SGMS2: variants seen among roughly 807,000 people sequenced by gnomAD.
SGMS2 encodes phosphatidylcholine:ceramide cholinephosphotransferase 2.
In SGMS2, 21 loss-of-function variants were observed where a neutral mutation model predicts 43.8. The observed-to-expected ratio is 0.48, with a 90% CI of 0.34 to 0.69. SGMS2 has a LOEUF of 0.69. Ranked by LOEUF, SGMS2 falls within the 30% of genes least tolerant of loss-of-function variation. The pLI is 0.01. For missense variants in SGMS2, 384 were observed against 443.2 expected (o/e 0.87, Z 1.20); for synonymous variants, 167 against 160.6 (o/e 1.04, Z -0.30).
intron 5 of SGMS2, among the ~76,000 whole-genome samples, chr4:107,905,825 C>T (rs1731510550): frequency 6.6e-6 from 1 of 152,174 alleles, no homozygotes; most frequent in African/African-American, 2.4e-5. Flanking sequence ...AGCAAGGCAA[C>T]TTGTGATTGA....
intron 2 of SGMS2, among the ~76,000 whole-genome samples, chr4:107,892,065 A>C (rs1479715588): frequency 6.7e-6 from 1 of 149,932 alleles, no homozygotes. Context: ...TCTTACCCTC[A>C]CTATCTGCCT....
intron 6 of SGMS2, among the ~76,000 whole-genome samples, chr4:107,909,263 G>A (rs1402511119): frequency 2.6e-5 from 4 of 151,820 alleles, no homozygotes; most frequent in African/African-American, 9.7e-5. Context: ...ACGACACCAC[G>A]CCTGGCTAAT....
At chr4:107,891,531 C>T (rs1223461316) in intron 2 of SGMS2, among the ~76,000 whole-genome samples, 3 of 152,058 alleles carry the variant, frequency 2.0e-5, no homozygotes, top group African/African-American at 7.2e-5. Context: ...TTCATTGTCT[C>T]ATGCAGAGGA....
rs1243826191 is a variant in SGMS2 at position 107,910,855 on chromosome 4, C to T, written c.*302C>T. The T allele has an allele frequency of 6.8e-5, 17 of 249,132 alleles. No homozygotes were observed. The highest frequency in any genetic ancestry group is 2.3e-5 in the Non-Finnish European group (3 of 129,828). The allele number at this position is 249,132 out of a possible 1,614,324, so 15.4% of individuals were successfully genotyped here. A position where few individuals can be genotyped will look rare whatever the true frequency, so the allele number is the denominator to read the frequency against. On this transcript the variant is annotated 3_prime_UTR_variant, in exon 7 of 7. Coordinates refer to ENST00000690982, the MANE Select transcript of SGMS2 (RefSeq NM_001375905.1). ...TATTCCTCCTTTCTTTATTCTTTCT[C>T]CACCAAAACCCTCTACTTCAGAATT...
intron 2 of SGMS2, among the ~76,000 whole-genome samples, chr4:107,868,758 C>G (rs909712565): frequency 2.0e-5 from 3 of 152,000 alleles, no homozygotes; most frequent in African/African-American, 7.2e-5. Flanking sequence ...TAAAATGAAG[C>G]CTTTTTCTGC....
rs1257060388 is a variant in SGMS2, at chr4:107,912,478, A to G, written c.*1925A>G. ...AGCAACACTTGTGCAAGAACAAGGT[A>G]TTCTGCTTGAAAACACTGATTTTTA... On this transcript the variant is annotated 3_prime_UTR_variant, in exon 7 of 7. Coordinates refer to ENST00000690982, the MANE Select transcript of SGMS2 (RefSeq NM_001375905.1). 1 of 152,184 alleles carries G rather than the reference A, an allele frequency of 6.6e-6. No homozygotes were observed. The highest frequency in any genetic ancestry group is 2.4e-5 in the African/African-American group (1 of 41,446). 9.4% of individuals were successfully genotyped at this position (152,184 alleles called of 1,614,324 possible). A position where few individuals can be genotyped will look rare whatever the true frequency, so the allele number is the denominator to read the frequency against.
chr4:107,835,317 A>T (rs1560628655), intron 1 of SGMS2, among the ~76,000 whole-genome samples: 1 of 152,200 alleles, frequency 6.6e-6, no homozygotes, highest in African/African-American at 2.4e-5. Context: ...AACTCAAACC[A>T]TAGAGACAGA....
Position 107,913,299 on chromosome 4 carries a change from C to T in SGMS2, c.*2746C>T, listed in dbSNP as rs1213083895. ...TCAGATTCTAGTTTTTGAGCTTGTC[C>T]ACTAGATCTGAAAATAAAGCATCCT... is the stretch of plus-strand genomic sequence containing the variant. On this transcript the variant is annotated 3_prime_UTR_variant, in exon 7 of 7. Transcript: ENST00000690982. 1 of 151,758 alleles carries T rather than the reference C, an allele frequency of 6.6e-6. No homozygotes were observed. Among genetic ancestry groups the T allele is most frequent in the Non-Finnish European group, 1.5e-5 (1 of 67,974 alleles). The allele number at this position is 151,758 out of a possible 1,614,324, so 9.4% of individuals were successfully genotyped here. A position where few individuals can be genotyped will look rare whatever the true frequency, so the allele number is the denominator to read the frequency against.
chr4:107,895,570 C>G lies in SGMS2; in HGVS notation c.17C>G (p.Thr6Arg). MDIIE[T>R]AKLEEHLENQ... ...TAGGGGACAATGGATATCATAGAGA[C>G]AGCAAAACTTGAAGAACATTTGGAA... The change falls in exon 3 of 7, where the codon ACA becomes AGA. Residue 6 changes from threonine to arginine, a missense_variant. Thr to Arg is a moderately conservative substitution (Grantham distance 71). Transcript: ENST00000690982. 6.2e-7 allele frequency: 1 copy of G among 1,613,482 alleles called. No homozygotes were observed. Among genetic ancestry groups the G allele is most frequent in the Non-Finnish European group, 8.5e-7 (1 of 1,179,680 alleles).
Position 107,895,431 on chromosome 4 carries a change from A to G in SGMS2, c.-123A>G. The stretch of plus-strand genomic sequence containing the variant: ...ATGGCTACCTTCTACATTTTGTATT[A>G]GGAAACAAAGTCCATTGTAAGAGTC... On this transcript the variant is annotated 5_prime_UTR_variant, in exon 3 of 7. It removes the in-frame stop codon of an upstream open reading frame in the 5' UTR. Transcript: ENST00000690982. 1 of 1,002,518 alleles carries G rather than the reference A, an allele frequency of 1.0e-6. No homozygotes were observed. Among genetic ancestry groups the G allele is most frequent in the Non-Finnish European group, 1.5e-6 (1 of 673,690 alleles). The allele number at this position is 1,002,518 out of a possible 1,614,324, so 62.1% of individuals were successfully genotyped here. A position where few individuals can be genotyped will look rare whatever the true frequency, so the allele number is the denominator to read the frequency against.
At position 107,913,040 on chromosome 4, in the gene SGMS2, A is replaced by C. The variant is rs1460924755; in HGVS notation, c.*2487A>C. ...CTTTGATATAAAACAAGTATGATAT[A>C]TATATAAACTGAAGATATAAAACAA... is the stretch of plus-strand genomic sequence containing the variant. On this transcript the variant is annotated 3_prime_UTR_variant, in exon 7 of 7. Transcript: ENST00000690982. The C allele has an allele frequency of 6.6e-6, 1 of 152,194 alleles. No individual in the cohort carries two copies. Among genetic ancestry groups the C allele is most frequent in the Non-Finnish European group, 1.5e-5 (1 of 68,034 alleles). 9.4% of individuals were successfully genotyped at this position (152,194 alleles called of 1,614,324 possible).
chr4:107,897,949 G>A (rs988955119), intron 3 of SGMS2, among the ~76,000 whole-genome samples: 2 of 152,142 alleles, frequency 1.3e-5, no homozygotes, highest in African/African-American at 4.8e-5. Flanking sequence ...CACCTTCTAA[G>A]TTGGTTTTCT....
At chr4:107,908,263 TA>T (rs1731778110) in intron 5 of SGMS2, 1 of 239,866 alleles carries the variant, frequency 4.2e-6, no homozygotes, top group African/African-American at 2.2e-5. Context: ...GCAAACCTAA[TA>T]AGAAACAATT....
intron 2 of SGMS2, among the ~76,000 whole-genome samples, chr4:107,883,781 A>G (rs1729541464): frequency 6.6e-6 from 1 of 152,160 alleles, no homozygotes; most frequent in Non-Finnish European, 1.5e-5. Flanking sequence ...CCTTAAGATA[A>G]AGTCATAAAA....
At chr4:107,874,835 G>A (rs187348151) in intron 2 of SGMS2, among the ~76,000 whole-genome samples, 9 of 151,940 alleles carry the variant, frequency 5.9e-5, no homozygotes, top group East Asian at 3.9e-4. Flanking sequence ...TATTCTCTTC[G>A]TGTCTCTACC....
intron 2 of SGMS2, chr4:107,886,897 A>G (rs144534185): frequency 1.9e-3 from 291 of 152,314 alleles, no homozygotes; most frequent in African/African-American, 6.7e-3. Context: ...TAAGAATACA[A>G]ATAGTTGCCA....
intron 2 of SGMS2, among the ~76,000 whole-genome samples, chr4:107,868,288 ACT>A (rs1728280066): frequency 6.6e-6 from 1 of 151,936 alleles, no homozygotes; most frequent in Non-Finnish European, 1.5e-5. Flanking sequence ...TTCCCAGAAA[ACT>A]CTTTTTGACA....
At chr4:107,872,879 T>C (rs1728649744) in intron 2 of SGMS2, among the ~76,000 whole-genome samples, 1 of 152,214 alleles carries the variant, frequency 6.6e-6, no homozygotes, top group Non-Finnish European at 1.5e-5. Context: ...CCCATTTTGA[T>C]GGACAGTGTG....
chr4:107,825,561 A>G (rs1429477627), intron 1 of SGMS2, among the ~76,000 whole-genome samples: 1 of 150,626 alleles, frequency 6.6e-6, no homozygotes, highest in Non-Finnish European at 1.5e-5. Context: ...GCTGAAGTTC[A>G]GTTGGTGGAG....
Sources: allele counts gnomAD v4.1 joint callset (sites outside exome capture counted in the v4.1 genomes callset), GRCh38; gene constraint gnomAD v4.1.1; transcripts MANE v1.5; gene names NCBI Gene and HGNC (gene_info 2026-07-23, HGNC 2026-07-21).